ADCY2: variants seen among roughly 807,000 people sequenced by gnomAD.
ADCY2 encodes the protein adenylate cyclase 2.
A neutral mutation model predicts 125.2 loss-of-function variants in ADCY2; 31 were observed. The ratio of observed to expected loss-of-function variants is 0.25; its 90% CI spans 0.19 to 0.33. The LOEUF is 0.33. Among genes scored for constraint, ADCY2 ranks in the 10% least tolerant of loss-of-function variants. The probability of loss-of-function intolerance (pLI) is 1.00; values close to 1 mark genes in which losing one functional copy is unlikely to be tolerated. For synonymous variants in ADCY2, 512 were observed against 548.4 expected (o/e 0.93, Z 0.93); for missense variants, 904 against 1,418.2 (o/e 0.64, Z 5.82).
intron 2 of ADCY2, among the ~76,000 whole-genome samples, chr5:7,500,793 T>C: frequency 6.8e-6 from 1 of 146,578 alleles, no homozygotes; most frequent in East Asian, 1.9e-4. Flanking sequence ...CCCTAGAAAG[T>C]GAATGGAAAA....
At chr5:7,450,365 AATCAGTCAC>A (rs1273994180) in intron 2 of ADCY2, among the ~76,000 whole-genome samples, 1 of 152,170 alleles carries the variant, frequency 6.6e-6, no homozygotes, top group Non-Finnish European at 1.5e-5. Context: ...TGGAAGATCA[AATCAGTCAC>A]AACATTCCCT....
chr5:7,704,989 G>A (rs772172855), intron 7 of ADCY2, among the ~76,000 whole-genome samples: 1 of 152,014 alleles, frequency 6.6e-6, no homozygotes, highest in Non-Finnish European at 1.5e-5. Flanking sequence ...CAGTCAGCTC[G>A]TTAAGGAGTT....
In ADCY2 at chr5:7,621,481, G is replaced by A. The variant is rs144986618; in HGVS notation, c.571-4686G>A. Reference sequence around the variant, plus strand: ...GTGGTGGAGAAATCTGACTGTATGCGTATGAATAAGGGCTGTGTAGAATAT... The same window carrying A: ...GTGGTGGAGAAATCTGACTGTATGCATATGAATAAGGGCTGTGTAGAATAT... On this transcript the variant is annotated intron_variant, in intron 3 of 24. Coordinates refer to ENST00000338316, the MANE Select transcript of ADCY2 (RefSeq NM_020546.3). Among the ~76,000 whole-genome samples the A allele has an allele frequency of 2.2e-3, 329 of 152,318 alleles. 1 individual carries two copies. The highest frequency in any genetic ancestry group is 7.4e-3 in the African/African-American group (307 of 41,570).
chr5:7,418,662 T>G (rs1290911847), intron 2 of ADCY2, among the ~76,000 whole-genome samples: 1 of 137,986 alleles, frequency 7.2e-6, no homozygotes, highest in African/African-American at 2.8e-5. Context: ...TTTTTTTTTT[T>G]TTTTTTTTTT....
At chr5:7,806,134 G>A (rs767339547) in intron 22 of ADCY2, among the ~76,000 whole-genome samples, 10 of 152,004 alleles carry the variant, frequency 6.6e-5, no homozygotes, top group East Asian at 1.9e-4. Context: ...GAACATTAAA[G>A]TGTTAAAAAA....
chr5:7,665,540 G>A (rs1739684768), intron 4 of ADCY2, among the ~76,000 whole-genome samples: 1 of 152,172 alleles, frequency 6.6e-6, no homozygotes, highest in South Asian at 2.1e-4. Flanking sequence ...TTGCAGGTCA[G>A]TTACCTTCAT....
intron 1 of ADCY2, among the ~76,000 whole-genome samples, chr5:7,407,524 A>C (rs1739544443): frequency 6.6e-6 from 1 of 152,090 alleles, no homozygotes. Context: ...CTTTTAAACC[A>C]TCAGATTTGG....
intron 4 of ADCY2, among the ~76,000 whole-genome samples, chr5:7,674,405 T>A (rs1017497018): frequency 6.6e-6 from 1 of 152,088 alleles, no homozygotes; most frequent in Non-Finnish European, 1.5e-5. Context: ...GGGCTGGCTT[T>A]CTCCCTGTGT....
intron 4 of ADCY2, among the ~76,000 whole-genome samples, chr5:7,667,234 T>C (rs550767822): frequency 7.9e-5 from 12 of 152,252 alleles, no homozygotes; most frequent in African/African-American, 2.6e-4. Context: ...ATAATAGGTG[T>C]CTCGGCGGGG....
chr5:7,560,674 G>A (rs1735679792), intron 3 of ADCY2, among the ~76,000 whole-genome samples: 1 of 151,854 alleles, frequency 6.6e-6, no homozygotes, highest in African/African-American at 2.4e-5. Context: ...TGTGAAAAAA[G>A]TCTGTCCAAA....
intron 4 of ADCY2, among the ~76,000 whole-genome samples, chr5:7,647,664 T>C (rs949951596): frequency 6.6e-6 from 1 of 152,204 alleles, no homozygotes; most frequent in African/African-American, 2.4e-5. Context: ...TAGAGGAAGA[T>C]CAAGAAGTAC....
Position 7,695,815 on chromosome 5 carries a change from A to T in ADCY2, c.933A>T (p.Leu311=). 1.9e-6 allele frequency: 3 copies of T among 1,613,062 alleles called. No homozygotes were observed. The highest frequency in any genetic ancestry group is 2.5e-6 in the Non-Finnish European group (3 of 1,179,414). Residue 311 remains leucine (L), a synonymous_variant, in exon 6 of 25, where the codon CTA becomes CTT. Transcript: ENST00000338316. ...RLASDCSPGE[L]VHMLNELFGK... ...CAAGTGACTGCTCCCCGGGAGAACT[A>T]GTCCACATGCTGAATGAGCTCTTTG...
intron 3 of ADCY2, among the ~76,000 whole-genome samples, chr5:7,533,017 ATATATATGTATATATG>A (rs1206650607): frequency 1.3e-5 from 2 of 149,692 alleles, no homozygotes; most frequent in Non-Finnish European, 3.0e-5. Context: ...ATATGTATAC[ATATATATGTATATATG>A]TATATAAACA....
chr5:7,756,450 A>G (rs1186029423), intron 15 of ADCY2, among the ~76,000 whole-genome samples: 2 of 152,246 alleles, frequency 1.3e-5, no homozygotes, highest in African/African-American at 2.4e-5. Flanking sequence ...CATTTTATGA[A>G]TGGATAAAAA....
intron 15 of ADCY2, among the ~76,000 whole-genome samples, chr5:7,745,409 G>A (rs1200458186): frequency 6.6e-6 from 1 of 152,222 alleles, no homozygotes; most frequent in Non-Finnish European, 1.5e-5. Context: ...AAATGGGACT[G>A]TGGCTTCTGC....
intron 2 of ADCY2, among the ~76,000 whole-genome samples, chr5:7,443,011 C>T (rs556447761): frequency 1.9e-4 from 29 of 152,252 alleles, no homozygotes; most frequent in South Asian, 8.3e-4. Context: ...AGCCCCATGA[C>T]GTTCACTTCT....
At chr5:7,738,427 A>C (rs1164702973) in intron 14 of ADCY2, among the ~76,000 whole-genome samples, 2 of 152,048 alleles carry the variant, frequency 1.3e-5, no homozygotes, top group Admixed American at 6.5e-5. Context: ...CAGAAAAACA[A>C]AAATAAATGA....
chr5:7,519,270 C>T (rs1358806100), intron 2 of ADCY2, among the ~76,000 whole-genome samples: 2 of 152,138 alleles, frequency 1.3e-5, no homozygotes, highest in Non-Finnish European at 2.9e-5. Flanking sequence ...TCTTTAAATC[C>T]GTCAGGAGCC....
intron 4 of ADCY2, among the ~76,000 whole-genome samples, chr5:7,666,034 T>C (rs1284589978): frequency 6.6e-6 from 1 of 150,816 alleles, no homozygotes. Flanking sequence ...GAGACAGGGT[T>C]TCACCATGTT....
Sources: allele counts gnomAD v4.1 joint callset (sites outside exome capture counted in the v4.1 genomes callset), GRCh38; gene constraint gnomAD v4.1.1; transcripts MANE v1.5; gene names NCBI Gene and HGNC (gene_info 2026-07-23, HGNC 2026-07-21).